The following MROH9 variants were observed in gnomAD, a reference collection of about 807,000 sequenced individuals.
MROH9 encodes the protein maestro heat-like repeat-containing protein family member 9.
Under a neutral mutation model 98.2 loss-of-function variants are expected in MROH9, and 92 were observed. The ratio of observed to expected loss-of-function variants is 0.94; its 90% CI spans 0.79 to 1.11. MROH9 has a LOEUF of 1.11. MROH9 is among the 50% of genes most tolerant of loss of function. MROH9 has a pLI of 0.00. For missense variants in MROH9, 1,057 were observed against 1,014.8 expected (o/e 1.04, Z -0.57); for synonymous variants, 397 against 368.9 (o/e 1.08, Z -0.87).
intron 14 of MROH9, among the ~76,000 whole-genome samples, chr1:170,997,281 G>A (rs1418218571): frequency 6.6e-6 from 1 of 152,078 alleles, no homozygotes; most frequent in Non-Finnish European, 1.5e-5. Context: ...CATCTCATTT[G>A]CAAATGGATT....
At chr1:170,953,751 A>AGAAAG (rs1259008580) in intron 3 of MROH9, among the ~76,000 whole-genome samples, 4 of 149,448 alleles carry the variant, frequency 2.7e-5, no homozygotes, top group Non-Finnish European at 6.0e-5. Context: ...AGAAAAGAAA[A>AGAAAG]GAAAAGAAAG....
At chr1:170,941,804 CT>C (rs1557866274) in intron 1 of MROH9, among the ~76,000 whole-genome samples, 1 of 152,192 alleles carries the variant, frequency 6.6e-6, no homozygotes, top group Non-Finnish European at 1.5e-5. Context: ...AAAGGTGTGT[CT>C]TCTGGACACT....
At chr1:171,010,812 T>G (rs1269951934) in intron 15 of MROH9, among the ~76,000 whole-genome samples, 4 of 152,226 alleles carry the variant, frequency 2.6e-5, no homozygotes, top group South Asian at 2.1e-4. Flanking sequence ...TTTGTAAATT[T>G]GTTCAAGTTC....
chr1:171,009,203 C>T (rs944740746), intron 15 of MROH9, among the ~76,000 whole-genome samples: 13 of 151,528 alleles, frequency 8.6e-5, no homozygotes, highest in South Asian at 6.2e-4. Flanking sequence ...GTAGTTTCGA[C>T]GCATAAAGTT....
chr1:170,945,771 T>C (rs972064562), intron 2 of MROH9, among the ~76,000 whole-genome samples, 190 bp downstream of exon 2: 5 of 152,030 alleles, frequency 3.3e-5, no homozygotes, highest in African/African-American at 1.2e-4. Flanking sequence ...AATTTCTGTA[T>C]AAATTCCAGA....
intron 20 of MROH9, among the ~76,000 whole-genome samples, chr1:171,040,790 TA>T (rs1653271055): frequency 6.6e-6 from 1 of 152,118 alleles, no homozygotes; most frequent in South Asian, 2.1e-4. Flanking sequence ...TTTGTAGCAT[TA>T]TTTTCCATCT....
intron 20 of MROH9, among the ~76,000 whole-genome samples, chr1:171,032,827 G>A (rs959676980): frequency 1.3e-5 from 2 of 152,206 alleles, no homozygotes; most frequent in African/African-American, 4.8e-5. Context: ...ACACCAGGCG[G>A]GAAACCCACT....
chr1:170,971,930 C>T (rs1366356207), intron 8 of MROH9, 47 bp downstream of exon 8: 6 of 1,593,468 alleles, frequency 3.8e-6, no homozygotes, highest in Non-Finnish European at 5.2e-6. Context: ...AGAATATGTC[C>T]CTCGTTATTC....
At chr1:170,990,072 G>A in intron 11 of MROH9, 69 bp downstream of exon 11, 1 of 1,461,364 alleles carries the variant, frequency 6.8e-7, no homozygotes, top group East Asian at 2.4e-5. Context: ...AGATGGACCT[G>A]GGTTCAACTC....
intron 20 of MROH9, among the ~76,000 whole-genome samples, chr1:171,048,802 A>G (rs953403854): frequency 1.3e-5 from 2 of 152,150 alleles, no homozygotes; most frequent in African/African-American, 4.8e-5. Flanking sequence ...AAGGCCCACA[A>G]TGTAGTACCT....
At chr1:170,988,777 T>C (rs993087386) in intron 10 of MROH9, among the ~76,000 whole-genome samples, 2 of 152,112 alleles carry the variant, frequency 1.3e-5, no homozygotes, top group African/African-American at 4.8e-5. Flanking sequence ...CATCAAATAT[T>C]TCATCAAAAT....
intron 1 of MROH9, among the ~76,000 whole-genome samples, chr1:170,945,188 C>T (rs1415998057): frequency 6.6e-6 from 1 of 151,764 alleles, no homozygotes; most frequent in Non-Finnish European, 1.5e-5. Context: ...AATCTGACAG[C>T]CTCAAACAAT....
rs755859846 is a variant in MROH9, at chr1:170,998,246, C to A, written c.1568C>A (p.Thr523Asn). Residue 523 changes from threonine to asparagine, a missense_variant, in exon 15 of 22, where the codon ACT (threonine) becomes AAT (asparagine). Transcript: ENST00000367759. ...GAAGGTCCTAGAAGGTCAGAAGACACTGTCATCGTATTAATATTCCTCACT... is the reference window on the plus strand; with the variant it reads ...GAAGGTCCTAGAAGGTCAGAAGACAATGTCATCGTATTAATATTCCTCACT... ...SVEGPRRSED[T>N]VIVLIFLTEL... 6.2e-7 allele frequency: 1 copy of A among 1,613,464 alleles called. No individual in the cohort carries two copies. The highest frequency in any genetic ancestry group is 1.1e-5 in the South Asian group (1 of 91,064).
At chr1:171,033,496 TG>T (rs1652996384) in intron 20 of MROH9, among the ~76,000 whole-genome samples, 3 of 152,174 alleles carry the variant, frequency 2.0e-5, no homozygotes, top group Admixed American at 2.0e-4. Flanking sequence ...GCCTTGGCTT[TG>T]GGGGAGGGGC....
chr1:171,054,125 A>C (rs1281171078), intron 20 of MROH9, among the ~76,000 whole-genome samples: 1 of 152,378 alleles, frequency 6.6e-6, no homozygotes, highest in South Asian at 2.1e-4. Context: ...TAGATACAAC[A>C]TCAGTATACA....
rs1651737951 is a variant in MROH9, at chr1:171,000,100, T to C, written c.1596+1826T>C. On this transcript the variant is annotated intron_variant, in intron 15 of 21. Transcript: ENST00000367759. ...GGATATTAGTCTTTTGTCAGATGTA[T>C]AGGCTGTGAAGATTTTCTCCCACTC... Among the ~76,000 whole-genome samples, 7 of 152,272 alleles carry C rather than the reference T, an allele frequency of 4.6e-5. No individual in the cohort carries two copies. The South Asian group carries it at 1.5e-3, about 32-fold the overall frequency.
At chr1:170,942,855 A>G (rs1649177067) in intron 1 of MROH9, among the ~76,000 whole-genome samples, 1 of 152,132 alleles carries the variant, frequency 6.6e-6, no homozygotes, top group South Asian at 2.1e-4. Flanking sequence ...AAGAAATCAC[A>G]CAAACAAGCT....
Position 171,015,948 on chromosome 1 carries a change from T to A in MROH9, c.1735-215T>A, listed in dbSNP as rs191948533. Among the ~76,000 whole-genome samples the A allele has an allele frequency of 2.4e-4, 36 of 152,336 alleles. 1 individual carries two copies. Among genetic ancestry groups the A allele is most frequent in the Admixed American group, 2.2e-3 (33 of 15,302 alleles). ...AGGGAGTGATAATTTTTTAGTATTATCAGTTTCTACTTAATGTTAAATTTA... is the reference window on the plus strand; with the variant it reads ...AGGGAGTGATAATTTTTTAGTATTAACAGTTTCTACTTAATGTTAAATTTA... On this transcript the variant is annotated intron_variant, in intron 16 of 21. Transcript: ENST00000367759.
At chr1:170,944,641 A>G (rs1649252139) in intron 1 of MROH9, among the ~76,000 whole-genome samples, 1 of 152,114 alleles carries the variant, frequency 6.6e-6, no homozygotes, top group Admixed American at 6.6e-5. Context: ...AATTCAGACA[A>G]ACTTGAATTT....
Sources: allele counts gnomAD v4.1 joint callset (sites outside exome capture counted in the v4.1 genomes callset), GRCh38; gene constraint gnomAD v4.1.1; transcripts MANE v1.5; gene names NCBI Gene and HGNC (gene_info 2026-07-23, HGNC 2026-07-21).